The following DLGAP2 variants were observed in gnomAD, a reference collection of about 807,000 sequenced individuals.
DLGAP2 encodes the protein disks large-associated protein 2.
In DLGAP2, 26 loss-of-function variants were observed where a neutral mutation model predicts 100.3. The ratio of observed to expected loss-of-function variants is 0.26; its 90% confidence interval spans 0.19 to 0.36. The LOEUF (loss-of-function observed/expected upper bound fraction) is 0.36, where lower values mean the gene tolerates loss of function less well. Ranked by LOEUF, DLGAP2 falls within the 10% of genes least tolerant of loss-of-function variation. DLGAP2 has a pLI of 1.00. For missense variants in DLGAP2, 1,858 were observed against 1,453.2 expected, an observed-to-expected ratio of 1.28 and a Z score of -4.53; for synonymous variants, 886 against 630.1, an observed-to-expected ratio of 1.41 and a Z score of -6.08.
At chr8:1,417,179 T>TCATG (rs1796915627) in intron 3 of DLGAP2, among the ~76,000 whole-genome samples, 1 of 140,694 alleles carries the variant, frequency 7.1e-6, no homozygotes, top group Non-Finnish European at 1.5e-5. Context: ...CCCCGTTCAT[T>TCATG]TAGTGTCTGA....
At chr8:1,449,079 G>A (rs1490860132) in intron 3 of DLGAP2, among the ~76,000 whole-genome samples, 2 of 152,160 alleles carry the variant, frequency 1.3e-5, no homozygotes, top group African/African-American at 4.8e-5. Context: ...GCAGCTCTGG[G>A]AATGCCTCGT....
rs932627939 is a variant in DLGAP2, at chr8:874,483, G to A, written c.19-33429G>A. 2.1e-4 allele frequency among the ~76,000 whole-genome samples: 32 copies of A among 152,254 alleles called. 1 individual carries two copies. Among genetic ancestry groups the A allele is most frequent in the Admixed American group, 1.8e-3 (27 of 15,294 alleles). The stretch of plus-strand genomic sequence containing the variant: ...CCCATTGGTTATTTGGGAGTACATT[G>A]TTTAATTTACACAAACTGGTGAATT... On this transcript the variant is annotated intron_variant, in intron 1 of 14. Transcript: ENST00000637795.
intron 3 of DLGAP2, among the ~76,000 whole-genome samples, chr8:1,425,027 G>C (rs1489963884): frequency 6.6e-6 from 1 of 152,192 alleles, no homozygotes; most frequent in Admixed American, 6.5e-5. Context: ...TGAATCTTAT[G>C]TGTAGCTGAT....
In DLGAP2 at chr8:1,706,540, G is replaced by T. The variant is rs527305776; in HGVS notation, c.*5134G>T. 2.0e-5 allele frequency: 3 copies of T among 152,312 alleles called. No individual in the cohort carries two copies. In the East Asian group the frequency reaches 5.8e-4, roughly 29 times the overall value. The allele number at this position is 152,312 out of a possible 1,614,324, so 9.4% of individuals were successfully genotyped here. On this transcript the variant is annotated 3_prime_UTR_variant, in exon 15 of 15. Transcript: ENST00000637795. ...GAGGCCATGAGACTGTCTTTGGAAA[G>T]GTTTGGAAATGCAGAAATAACTACA...
At chr8:1,145,882 C>T (rs985224076) in intron 2 of DLGAP2, among the ~76,000 whole-genome samples, 2 of 149,800 alleles carry the variant, frequency 1.3e-5, no homozygotes, top group Non-Finnish European at 3.0e-5. Flanking sequence ...TTTGTTCTTG[C>T]GATAGTTTAC....
At chr8:1,282,235 A>C (rs10096467) in intron 3 of DLGAP2, among the ~76,000 whole-genome samples, 9,892 of 79,420 alleles carry the variant, frequency 0.12, 1,174 homozygotes, top group African/African-American at 0.32. Flanking sequence ...CTGAACCATC[A>C]GGACATGGTG....
At chr8:968,199 A>G (rs1799927568) in intron 2 of DLGAP2, among the ~76,000 whole-genome samples, 1 of 152,110 alleles carries the variant, frequency 6.6e-6, no homozygotes, top group African/African-American at 2.4e-5. Context: ...TACTGAATAC[A>G]AGCCACATGT....
chr8:1,446,658 A>G (rs1054963972), intron 3 of DLGAP2, among the ~76,000 whole-genome samples: 25 of 152,326 alleles, frequency 1.6e-4, no homozygotes, highest in African/African-American at 5.1e-4. Context: ...TGGGGATGGC[A>G]TTGAATGTAT....
intron 2 of DLGAP2, among the ~76,000 whole-genome samples, chr8:1,240,499 C>G (rs1338546639): frequency 6.7e-6 from 1 of 148,650 alleles, no homozygotes; most frequent in Non-Finnish European, 1.5e-5. Flanking sequence ...TCTCACATGG[C>G]GCCGTGTCTA....
At chr8:920,636 A>G (rs1262376222) in intron 2 of DLGAP2, among the ~76,000 whole-genome samples, 2 of 152,036 alleles carry the variant, frequency 1.3e-5, no homozygotes, top group African/African-American at 4.8e-5. Context: ...CTGTAGTCCT[A>G]GCTACTCAGG....
chr8:934,664 T>C (rs1480779348), intron 2 of DLGAP2, among the ~76,000 whole-genome samples: 1 of 152,024 alleles, frequency 6.6e-6, no homozygotes, highest in Non-Finnish European at 1.5e-5. Context: ...TGGGTGCAGA[T>C]GCGGAAACTC....
intron 3 of DLGAP2, among the ~76,000 whole-genome samples, chr8:1,334,573 C>T (rs533440313): frequency 6.6e-6 from 1 of 152,196 alleles, no homozygotes; most frequent in South Asian, 2.1e-4. Flanking sequence ...GAGAGGTGGG[C>T]CCTTCCCCAC....
intron 3 of DLGAP2, among the ~76,000 whole-genome samples, chr8:1,365,404 C>A (rs562257179): frequency 8.5e-5 from 13 of 152,268 alleles, no homozygotes; most frequent in African/African-American, 3.1e-4. Context: ...CACTGGCTCT[C>A]CTCTCCAACC....
Position 1,425,780 on chromosome 8 carries a change from G to A in DLGAP2, c.107-75586G>A, listed in dbSNP as rs143729435. On this transcript the variant is annotated intron_variant, in intron 3 of 14. Transcript: ENST00000637795. ...AAAAAAATAAACCCACAGCAAAGCCGCTGCAGGATGAGCCCAGGGGATGTC... is the reference window on the plus strand; with the variant it reads ...AAAAAAATAAACCCACAGCAAAGCCACTGCAGGATGAGCCCAGGGGATGTC... 1.5e-3 allele frequency among the ~76,000 whole-genome samples: 228 copies of A among 152,304 alleles called. 2 individuals are homozygous for A. Among genetic ancestry groups the A allele is most frequent in the Non-Finnish European group, 2.3e-3 (155 of 68,028 alleles).
chr8:1,517,489 G>A (rs1317667201), intron 4 of DLGAP2, among the ~76,000 whole-genome samples: 5 of 152,054 alleles, frequency 3.3e-5, no homozygotes, highest in East Asian at 3.9e-4. Flanking sequence ...CCCTGGCCTC[G>A]TTTCCTCCAC....
chr8:1,647,148 G>C (rs1798058128), intron 8 of DLGAP2, among the ~76,000 whole-genome samples: 1 of 152,182 alleles, frequency 6.6e-6, no homozygotes, highest in Non-Finnish European at 1.5e-5. Context: ...AGTGAGACTA[G>C]TGCAGACAGT....
intron 1 of DLGAP2, among the ~76,000 whole-genome samples, chr8:894,626 AG>A (rs1798103936): frequency 1.5e-4 from 2 of 13,342 alleles, no homozygotes; most frequent in Admixed American, 1.1e-3. Context: ...GACAGCTGGC[AG>A]GGGTGGGGTG....
At chr8:1,474,964 A>G (rs1361415219) in intron 3 of DLGAP2, among the ~76,000 whole-genome samples, 1 of 152,262 alleles carries the variant, frequency 6.6e-6, no homozygotes, top group South Asian at 2.1e-4. Flanking sequence ...GCAACAGGAA[A>G]GACATGGCCT....
Position 1,344,554 on chromosome 8 carries a change from A to T in DLGAP2, c.106+85671A>T, listed in dbSNP as rs561132088. On this transcript the variant is annotated intron_variant, in intron 3 of 14. Transcript: ENST00000637795. ...TTCACATTTTCTCCATAAGGATGTC[A>T]CAGAGATTCTATGGAGTAATTCCTA... 1.2e-3 allele frequency among the ~76,000 whole-genome samples: 179 copies of T among 152,310 alleles called. 2 individuals are homozygous for T. The South Asian group carries it at 0.013, about 11-fold the overall frequency.
Sources: allele counts gnomAD v4.1 joint callset (sites outside exome capture counted in the v4.1 genomes callset), GRCh38; gene constraint gnomAD v4.1.1; transcripts MANE v1.5; gene names NCBI Gene and HGNC (gene_info 2026-07-23, HGNC 2026-07-21).